The following BICC1 variants were observed in gnomAD, a reference collection of about 807,000 sequenced individuals.
BICC1 encodes the protein protein bicaudal C homolog 1.
In BICC1, 43 loss-of-function variants were observed where a neutral mutation model predicts 111.0. The ratio of observed to expected loss-of-function variants is 0.39; its 90% CI spans 0.30 to 0.50. The LOEUF is 0.50. Ranked by LOEUF, BICC1 falls within the 20% of genes least tolerant of loss-of-function variation. The probability of loss-of-function intolerance (pLI) is 0.88; values close to 1 mark genes in which losing one functional copy is unlikely to be tolerated. For missense variants in BICC1, 1,091 were observed against 1,203.2 expected (o/e 0.91, Z 1.38); for synonymous variants, 467 against 434.4 (o/e 1.07, Z -0.93).
chr10:58,788,313 A>G, intron 5 of BICC1, 57 bp from the exon 6 acceptor site: 1 of 1,308,018 alleles, frequency 7.6e-7, no homozygotes, highest in Non-Finnish European at 1.1e-6. Flanking sequence ...ATGAACTGGA[A>G]AAGAGATGTG....
intron 1 of BICC1, among the ~76,000 whole-genome samples, chr10:58,593,128 G>A (rs10740732): frequency 0.47 from 70,826 of 151,732 alleles, 17,491 homozygotes; most frequent in Admixed American, 0.63. Flanking sequence ...AAAAGCCACT[G>A]GGAAGTTCGA....
intron 17 of BICC1, among the ~76,000 whole-genome samples, chr10:58,808,121 A>G (rs1005343219): frequency 1.3e-5 from 2 of 150,610 alleles, no homozygotes; most frequent in African/African-American, 4.9e-5. Context: ...AGAAAATACT[A>G]TTGAAATACT....
At chr10:58,709,377 G>A (rs565046364) in intron 3 of BICC1, among the ~76,000 whole-genome samples, 15 of 152,250 alleles carry the variant, frequency 9.9e-5, no homozygotes, top group South Asian at 2.1e-4. Flanking sequence ...TTTCATATGC[G>A]TCTGTTTATG....
chr10:58,570,380 G>T (rs1231375899), intron 1 of BICC1, among the ~76,000 whole-genome samples: 1 of 152,162 alleles, frequency 6.6e-6, no homozygotes, highest in East Asian at 1.9e-4. Flanking sequence ...TTCCTGGCTT[G>T]CTGCCCTCTT....
chr10:58,555,999 T>C (rs1450322846), intron 1 of BICC1, among the ~76,000 whole-genome samples: 1 of 152,166 alleles, frequency 6.6e-6, no homozygotes, highest in Non-Finnish European at 1.5e-5. Context: ...TCCTTAATTA[T>C]GGTTATTTAG....
chr10:58,734,190 C>T (rs959444187), intron 3 of BICC1, among the ~76,000 whole-genome samples: 1 of 152,188 alleles, frequency 6.6e-6, no homozygotes, highest in Non-Finnish European at 1.5e-5. Context: ...TGAGCACCCC[C>T]TCTCTGTGAC....
chr10:58,774,101 A>G (rs184721040), intron 3 of BICC1, among the ~76,000 whole-genome samples: 329 of 152,210 alleles, frequency 2.2e-3, no homozygotes, highest in African/African-American at 7.4e-3. Context: ...CTCTGTTCCA[A>G]CCTTGTCTTT....
At chr10:58,798,335 G>T (rs546801866) in intron 10 of BICC1, 64 bp from the exon 11 acceptor site, 1 of 1,230,918 alleles carries the variant, frequency 8.1e-7, no homozygotes, top group South Asian at 1.8e-5. Context: ...GGCAATATTG[G>T]TGCCATCTCT....
chr10:58,544,090 G>A (rs867239565), intron 1 of BICC1, among the ~76,000 whole-genome samples: 2 of 152,184 alleles, frequency 1.3e-5, no homozygotes, highest in South Asian at 4.1e-4. Context: ...CCTGAACCAT[G>A]AGTATTTCCT....
chr10:58,618,116 C>T (rs1451628709), intron 1 of BICC1, among the ~76,000 whole-genome samples: 2 of 152,134 alleles, frequency 1.3e-5, no homozygotes, highest in African/African-American at 2.4e-5. Context: ...GTACCTAGAG[C>T]CTATGTGTAA....
At chr10:58,748,948 C>A (rs1412940830) in intron 3 of BICC1, among the ~76,000 whole-genome samples, 1 of 152,156 alleles carries the variant, frequency 6.6e-6, no homozygotes, top group South Asian at 2.1e-4. Flanking sequence ...AGAAGCTTTA[C>A]AGCTCTTTGA....
chr10:58,551,963 T>G (rs1052636735), intron 1 of BICC1, among the ~76,000 whole-genome samples: 4 of 106,870 alleles, frequency 3.7e-5, no homozygotes, highest in Admixed American at 7.8e-5. Flanking sequence ...CAAGTTTTTT[T>G]TGGGGGGGGA....
chr10:58,705,520 C>T (rs1307648526), intron 3 of BICC1, among the ~76,000 whole-genome samples: 1 of 152,066 alleles, frequency 6.6e-6, no homozygotes, highest in Non-Finnish European at 1.5e-5. Context: ...CCCTTTCCTC[C>T]TCCCTTTCTT....
intron 1 of BICC1, among the ~76,000 whole-genome samples, chr10:58,611,790 T>G (rs1845431685): frequency 6.6e-6 from 1 of 152,156 alleles, no homozygotes; most frequent in African/African-American, 2.4e-5. Context: ...GTGCCCAGCC[T>G]GTACATTCTG....
intron 2 of BICC1, among the ~76,000 whole-genome samples, chr10:58,644,705 T>C (rs1210973592): frequency 2.0e-5 from 3 of 152,194 alleles, no homozygotes; most frequent in African/African-American, 7.2e-5. Context: ...GAATTTAATT[T>C]GGCCAACGTT....
chr10:58,570,187 A>G (rs1843903397), intron 1 of BICC1, among the ~76,000 whole-genome samples: 1 of 152,220 alleles, frequency 6.6e-6, no homozygotes, highest in South Asian at 2.1e-4. Flanking sequence ...GTGAGAGAGC[A>G]TGAAAGTCAA....
intron 4 of BICC1, 32 bp downstream of exon 4, chr10:58,785,112 G>A (rs1412951259): frequency 1.5e-6 from 2 of 1,353,796 alleles, no homozygotes; most frequent in Admixed American, 2.1e-5. Flanking sequence ...TCAGATGTCA[G>A]AACCTTGTCT....
At chr10:58,551,683 T>G (rs1843298981) in intron 1 of BICC1, among the ~76,000 whole-genome samples, 1 of 152,160 alleles carries the variant, frequency 6.6e-6, no homozygotes, top group Non-Finnish European at 1.5e-5. Flanking sequence ...GTAACCATCA[T>G]TCTACTATTT....
rs376845499 is a variant in BICC1 at position 58,730,689 on chromosome 10, T to C, written c.307+28546T>C. ...CCAAGCCTCAGTCTTTCTTTCTGTG[T>C]CCCTGTGATCTTAACACAGTGTAGA... is the stretch of plus-strand genomic sequence containing the variant. On this transcript the variant is annotated intron_variant, in intron 3 of 20. Coordinates refer to ENST00000373886, the MANE Select transcript of BICC1 (RefSeq NM_001080512.3). Among the ~76,000 whole-genome samples, 36 of 152,182 alleles carry C rather than the reference T, an allele frequency of 2.4e-4. No homozygotes were observed. The South Asian group carries it at 6.6e-3, about 28-fold the overall frequency.
Sources: gnomAD v4.1 joint callset for allele counts (sites outside exome capture counted in the v4.1 genomes callset) on GRCh38, gnomAD v4.1.1 for gene constraint, MANE v1.5 for transcripts, NCBI Gene and HGNC (gene_info 2026-07-23, HGNC 2026-07-21) for gene names.